The following GNB4 variants were observed in gnomAD, a reference collection of about 807,000 sequenced individuals.
The protein encoded by GNB4 is guanine nucleotide-binding protein subunit beta-4.
A neutral mutation model predicts 45.2 loss-of-function variants in GNB4; 28 were observed. That is an observed-to-expected ratio of 0.62 (90% CI 0.46 to 0.85). GNB4 has a LOEUF of 0.85. Among genes scored for constraint, GNB4 ranks in the 40% least tolerant of loss-of-function variants. The pLI is 0.00. For synonymous variants in GNB4, 132 were observed against 143.7 expected (o/e 0.92, Z 0.58); for missense variants, 321 against 425.4 (o/e 0.75, Z 2.16).
chr3:179,412,126 T>C (rs1714669401), intron 8 of GNB4, among the ~76,000 whole-genome samples: 1 of 152,144 alleles, frequency 6.6e-6, no homozygotes, highest in Non-Finnish European at 1.5e-5. Flanking sequence ...TTAATCTATT[T>C]ATGGTTTTCT....
chr3:179,486,307 T>G, the GNB4 span, among the ~76,000 whole-genome samples: 1 of 152,144 alleles, frequency 6.6e-6, no homozygotes, highest in Non-Finnish European at 1.5e-5. Context: ...GTCATTCTTC[T>G]GTTAAAATTT....
the GNB4 span, among the ~76,000 whole-genome samples, chr3:179,513,490 A>AT: frequency 3.7e-4 from 56 of 151,244 alleles, no homozygotes; most frequent in African/African-American, 1.2e-3. Flanking sequence ...GGCCTACAAC[A>AT]TTTTTTTTTA....
In GNB4 at chr3:179,426,237, A is replaced by G. The variant is rs778207042; in HGVS notation, c.-37T>C. 1 of 1,484,794 alleles carries G rather than the reference A, an allele frequency of 6.7e-7. No homozygotes were observed. Among genetic ancestry groups the G allele is most frequent in the South Asian group, 1.2e-5 (1 of 81,264 alleles). 92.0% of individuals were successfully genotyped at this position (1,484,794 alleles called of 1,614,324 possible). A position where few individuals can be genotyped will look rare whatever the true frequency, so the allele number is the denominator to read the frequency against. On this transcript the variant is annotated 5_prime_UTR_variant, in exon 2 of 10. Coordinates refer to ENST00000232564, the MANE Select transcript of GNB4 (RefSeq NM_021629.4). ...GTTTACCTCAGGAGCTAATGAGTGA[A>G]AACAGCTGTTAAAAAACAGAGAGCA...
the GNB4 span, among the ~76,000 whole-genome samples, chr3:179,525,685 G>A: frequency 3.5e-4 from 53 of 152,326 alleles, no homozygotes; most frequent in African/African-American, 1.2e-3. Flanking sequence ...GACCAGCGCC[G>A]GAGTTTTGGG....
At chr3:179,468,007 T>G in the GNB4 span, among the ~76,000 whole-genome samples, 2 of 133,912 alleles carry the variant, frequency 1.5e-5, no homozygotes, top group South Asian at 4.7e-4. Context: ...AAACCAGTGA[T>G]AATTTAAAGG....
intron 1 of GNB4, among the ~76,000 whole-genome samples, chr3:179,431,313 T>C (rs113659013): frequency 9.2e-5 from 14 of 152,230 alleles, no homozygotes; most frequent in African/African-American, 3.4e-4. Context: ...TCCCAGCTCT[T>C]TGAGAGGCCG....
chr3:179,418,683 A>T (rs936238333), intron 4 of GNB4, among the ~76,000 whole-genome samples: 1 of 152,216 alleles, frequency 6.6e-6, no homozygotes, highest in Non-Finnish European at 1.5e-5. Context: ...TGCAACTTCT[A>T]TTAAAACATA....
Position 179,400,600 on chromosome 3 carries a change from A to G in GNB4, c.*613T>C, listed in dbSNP as rs1394381738. ...TGGCCTTCAGATTATCTGTCCCCTC[A>G]AAGGACTGAAAGCAAGCACTTTGAT... On this transcript the variant is annotated 3_prime_UTR_variant, in exon 10 of 10. Coordinates refer to ENST00000232564, the MANE Select transcript of GNB4 (RefSeq NM_021629.4). 6.6e-6 allele frequency: 1 copy of G among 152,188 alleles called. No individual in the cohort carries two copies. The highest frequency in any genetic ancestry group is 2.4e-5 in the African/African-American group (1 of 41,442). 9.4% of individuals were successfully genotyped at this position (152,188 alleles called of 1,614,324 possible).
chr3:179,402,764 C>T (rs905037529), intron 9 of GNB4, among the ~76,000 whole-genome samples: 1 of 152,186 alleles, frequency 6.6e-6, no homozygotes, highest in Non-Finnish European at 1.5e-5. Context: ...CCAGGTATCT[C>T]TGGAACAGGT....
At chr3:179,523,237 G>A in the GNB4 span, among the ~76,000 whole-genome samples, 1 of 152,276 alleles carries the variant, frequency 6.6e-6, no homozygotes, top group East Asian at 1.9e-4. Flanking sequence ...GGTAAGGGAT[G>A]AGGAAGAAAT....
At chr3:179,490,475 C>T in the GNB4 span, among the ~76,000 whole-genome samples, 2 of 152,044 alleles carry the variant, frequency 1.3e-5, no homozygotes, top group Non-Finnish European at 2.9e-5. Flanking sequence ...GGGGAGTTGG[C>T]TTATGTGATT....
chr3:179,510,313 C>T, the GNB4 span, among the ~76,000 whole-genome samples: 1 of 152,154 alleles, frequency 6.6e-6, no homozygotes. Context: ...TAAGATTCTT[C>T]TGTAGGATCA....
intron 8 of GNB4, among the ~76,000 whole-genome samples, chr3:179,413,101 C>A (rs1195968208): frequency 6.6e-6 from 1 of 151,924 alleles, no homozygotes; most frequent in Non-Finnish European, 1.5e-5. Flanking sequence ...TCGCTTGAGC[C>A]CAGGAGGTCG....
chr3:179,412,233 T>C (rs1029461200), intron 8 of GNB4, among the ~76,000 whole-genome samples: 5 of 152,050 alleles, frequency 3.3e-5, no homozygotes, highest in Non-Finnish European at 5.9e-5. Context: ...TTTGGAAGAC[T>C]GAGGTGGGAG....
At chr3:179,446,709 G>T (rs1019729466) in intron 1 of GNB4, among the ~76,000 whole-genome samples, 2 of 152,124 alleles carry the variant, frequency 1.3e-5, no homozygotes, top group Non-Finnish European at 2.9e-5. Context: ...CAAAAGAAAG[G>T]TGATAACGTG....
chr3:179,404,752 T>C (rs1471523733), intron 9 of GNB4, among the ~76,000 whole-genome samples: 1 of 152,186 alleles, frequency 6.6e-6, no homozygotes, highest in East Asian at 1.9e-4. Context: ...GCTTAATGTG[T>C]ATTGTCATCT....
intron 1 of GNB4, among the ~76,000 whole-genome samples, chr3:179,443,280 T>C (rs763249442): frequency 3.9e-5 from 6 of 152,232 alleles, no homozygotes; most frequent in Non-Finnish European, 8.8e-5. Context: ...GGCTCATGCC[T>C]GTAATCCCAG....
chr3:179,476,713 C>T, the GNB4 span, among the ~76,000 whole-genome samples: 1 of 152,194 alleles, frequency 6.6e-6, no homozygotes, highest in African/African-American at 2.4e-5. Context: ...GCATTCTGTG[C>T]ACCTGCAGAA....
intron 1 of GNB4, among the ~76,000 whole-genome samples, chr3:179,447,039 A>G (rs142965222): frequency 6.6e-6 from 1 of 152,330 alleles, no homozygotes; most frequent in East Asian, 1.9e-4. Context: ...ACATAATTTT[A>G]AGTACAGATA....
Sources: gnomAD v4.1 joint callset for allele counts (sites outside exome capture counted in the v4.1 genomes callset) on GRCh38, gnomAD v4.1.1 for gene constraint, MANE v1.5 for transcripts, NCBI Gene and HGNC (gene_info 2026-07-23, HGNC 2026-07-21) for gene names.